Variants in SPMIP2 observed in about 807,000 individuals in gnomAD.
SPMIP2 encodes protein SPMIP2.
At chr4:158,991,178 G>A in the SPMIP2 span, among the ~76,000 whole-genome samples, 30,906 of 152,104 alleles carry the variant, frequency 0.2, 3,487 homozygotes, top group Non-Finnish European at 0.26. Flanking sequence ...ACTGGCCCAG[G>A]AAGAAGTTCA....
the SPMIP2 span, among the ~76,000 whole-genome samples, chr4:159,067,585 T>A: frequency 6.6e-6 from 1 of 152,154 alleles, no homozygotes; most frequent in Admixed American, 6.6e-5. Flanking sequence ...TAAGTATCAA[T>A]AGAAAATTAG....
the SPMIP2 span, among the ~76,000 whole-genome samples, chr4:158,945,659 G>A: frequency 2.6e-5 from 4 of 152,122 alleles, no homozygotes; most frequent in African/African-American, 9.7e-5. Flanking sequence ...ATCGCTGGGC[G>A]GATGAACAGT....
At chr4:159,035,193 T>C in the SPMIP2 span, 2 of 948,594 alleles carry the variant, frequency 2.1e-6, no homozygotes, top group Non-Finnish European at 3.3e-6. Context: ...CAGTCTTTCC[T>C]CTCCCTGCTT....
At chr4:159,045,360 C>T in the SPMIP2 span, among the ~76,000 whole-genome samples, 1 of 6,568 alleles carries the variant, frequency 1.5e-4, no homozygotes, top group African/African-American at 5.1e-4. Flanking sequence ...TTTTGAGATA[C>T]ATTATTTATT....
chr4:159,069,195 C>G, the SPMIP2 span, among the ~76,000 whole-genome samples: 1 of 151,866 alleles, frequency 6.6e-6, no homozygotes, highest in South Asian at 2.1e-4. Context: ...CTCAGCTACT[C>G]GGGAGGCTGA....
the SPMIP2 span, chr4:159,007,427 C>A: frequency 1.5e-6 from 1 of 671,168 alleles, no homozygotes; most frequent in Non-Finnish European, 2.8e-6. Flanking sequence ...CCTGTTCCTG[C>A]TTGCCCTGGT....
chr4:158,980,615 G>T, the SPMIP2 span, among the ~76,000 whole-genome samples: 1 of 152,220 alleles, frequency 6.6e-6, no homozygotes, highest in African/African-American at 2.4e-5. Context: ...AGAGAGGCCT[G>T]ACTGTTACAA....
At chr4:159,051,808 T>C in the SPMIP2 span, among the ~76,000 whole-genome samples, 146 of 152,338 alleles carry the variant, frequency 9.6e-4, no homozygotes, top group Admixed American at 1.7e-3. Flanking sequence ...TGCTGAAATA[T>C]AGTAAACGAC....
the SPMIP2 span, among the ~76,000 whole-genome samples, chr4:158,965,659 G>T: frequency 5.8e-5 from 6 of 103,486 alleles, no homozygotes; most frequent in African/African-American, 1.2e-4. Flanking sequence ...GTTTCCTTAA[G>T]TTTCTATTTA....
At chr4:158,962,804 A>G in the SPMIP2 span, among the ~76,000 whole-genome samples, 1 of 152,264 alleles carries the variant, frequency 6.6e-6, no homozygotes, top group African/African-American at 2.4e-5. Context: ...AAACAAAACA[A>G]TTCTTTCTGA....
At chr4:159,044,823 G>C in the SPMIP2 span, among the ~76,000 whole-genome samples, 1 of 152,238 alleles carries the variant, frequency 6.6e-6, no homozygotes, top group Non-Finnish European at 1.5e-5. Flanking sequence ...TGGGCACGAT[G>C]GCTCACGCCT....
At chr4:159,072,119 G>A in the SPMIP2 span, among the ~76,000 whole-genome samples, 1 of 152,214 alleles carries the variant, frequency 6.6e-6, no homozygotes, top group Non-Finnish European at 1.5e-5. Context: ...TTTGAGACCA[G>A]CCTGGGCAAC....
the SPMIP2 span, among the ~76,000 whole-genome samples, chr4:158,971,209 C>A: frequency 6.6e-6 from 1 of 152,054 alleles, no homozygotes; most frequent in Admixed American, 6.6e-5. Flanking sequence ...GGGCTGTGTC[C>A]GAGAGCAGGA....
At chr4:158,908,656 G>T in the SPMIP2 span, among the ~76,000 whole-genome samples, 1 of 152,148 alleles carries the variant, frequency 6.6e-6, no homozygotes, top group Non-Finnish European at 1.5e-5. Flanking sequence ...TGTAGCCCCT[G>T]CATTCATGAA....
the SPMIP2 span, among the ~76,000 whole-genome samples, chr4:159,036,582 C>T: frequency 6.6e-6 from 1 of 152,232 alleles, no homozygotes; most frequent in Admixed American, 6.5e-5. Context: ...ACCTTGCCCC[C>T]CACTTTCAGA....
chr4:158,990,434 T>C, the SPMIP2 span, among the ~76,000 whole-genome samples: 1 of 152,130 alleles, frequency 6.6e-6, no homozygotes, highest in African/African-American at 2.4e-5. Flanking sequence ...ACACGTATGG[T>C]TATTGCAGCA....
the SPMIP2 span, among the ~76,000 whole-genome samples, chr4:158,984,695 T>C: frequency 2.6e-5 from 4 of 151,566 alleles, no homozygotes; most frequent in Admixed American, 1.3e-4. Context: ...GATCCAAAAT[T>C]GACATCCTAA....
At chr4:159,053,725 T>G in the SPMIP2 span, among the ~76,000 whole-genome samples, 1 of 152,162 alleles carries the variant, frequency 6.6e-6, no homozygotes, top group Non-Finnish European at 1.5e-5. Flanking sequence ...CCTTCCTTCT[T>G]TTCTTCCTCC....
the SPMIP2 span, among the ~76,000 whole-genome samples, chr4:158,968,107 G>A: frequency 6.6e-6 from 1 of 152,156 alleles, no homozygotes; most frequent in Non-Finnish European, 1.5e-5. Flanking sequence ...TTAGCTCACT[G>A]CAACCTCCAC....
Sources: allele counts gnomAD v4.1 joint callset (sites outside exome capture counted in the v4.1 genomes callset), GRCh38; gene constraint gnomAD v4.1.1; transcripts MANE v1.5; gene names NCBI Gene and HGNC (gene_info 2026-07-23, HGNC 2026-07-21).